Variants in KMT2C observed in about 807,000 individuals in gnomAD.
KMT2C encodes lysine methyltransferase 2C.
A neutral mutation model predicts 507.9 loss-of-function variants in KMT2C; 88 were observed. That is an observed-to-expected ratio of 0.17 (90% confidence interval 0.15 to 0.21). The LOEUF (loss-of-function observed/expected upper bound fraction) is 0.21, where lower values mean the gene tolerates loss of function less well. Among genes scored for constraint, KMT2C ranks in the 10% least tolerant of loss-of-function variants. The probability of loss-of-function intolerance (pLI) is 1.00; values close to 1 mark genes in which losing one functional copy is unlikely to be tolerated. For synonymous variants in KMT2C, 2,049 were observed against 2,080.8 expected (o/e 0.98, Z 0.42); for missense variants, 4,954 against 5,957.8 (o/e 0.83, Z 5.55).
intron 1 of KMT2C, among the ~76,000 whole-genome samples, chr7:152,363,784 AG>A (rs1202435123): frequency 1.3e-5 from 2 of 152,220 alleles, no homozygotes; most frequent in African/African-American, 4.8e-5. Flanking sequence ...AAATCTGCAG[AG>A]GGATACCCTT....
intron 1 of KMT2C, among the ~76,000 whole-genome samples, chr7:152,403,496 C>T (rs1589764229): frequency 8.0e-5 from 12 of 150,750 alleles, no homozygotes; most frequent in African/African-American, 2.7e-4. Context: ...GCAACAAGAG[C>T]GAAACTCCAT....
intron 3 of KMT2C, among the ~76,000 whole-genome samples, chr7:152,316,906 G>A (rs1255884444): frequency 1.3e-5 from 2 of 151,502 alleles, no homozygotes; most frequent in Non-Finnish European, 2.9e-5. Context: ...TGCTTTGCCA[G>A]TATCTTACTA....
chr7:152,163,051 T>C lies in KMT2C; in HGVS notation c.10526A>G (p.Gln3509Arg). 1 of 1,614,236 alleles carries C rather than the reference T, an allele frequency of 6.2e-7. No individual in the cohort carries two copies. The highest frequency in any genetic ancestry group is 8.5e-7 in the Non-Finnish European group (1 of 1,180,036). Residue 3509 changes from glutamine (Q) to arginine (R), a missense_variant, in exon 43 of 59, where the codon CAG (glutamine) becomes CGG (arginine). Around this residue, in one of 29 missense-constraint regions of KMT2C, gnomAD observed 801 missense variants for 751.2 expected, o/e 1.07. Coordinates refer to ENST00000262189, the MANE Select transcript of KMT2C (RefSeq NM_170606.3). ...AGGAACAAATGAAGGAGGGCCTACC[T>C]GCCTTCGCTCATTAGTCTGCATGAA... ...QTFMQTNERR[Q>R]VGPPSFVPDS...
In KMT2C at chr7:152,149,134, G is replaced by A. The variant is rs2091396588; in HGVS notation, c.12793C>T (p.Pro4265Ser). 2 of 1,456,820 alleles carry A rather than the reference G, an allele frequency of 1.4e-6. No individual in the cohort carries two copies. Among genetic ancestry groups the A allele is most frequent in the South Asian group, 1.7e-5 (1 of 58,234 alleles). The allele number at this position is 1,456,820 out of a possible 1,614,324, so 90.2% of individuals were successfully genotyped here. ...GGCGTTTCTCTCATAGGTGATTGTG[G>A]CAATGAAGGAATGGATTCCTGGGCA... ...SENKESIPSLPQSPMRETPSK... is the reference protein window; with the variant it reads ...SENKESIPSLSQSPMRETPSK... Residue 4265 changes from proline to serine, a missense_variant, in exon 52 of 59, where the codon CCA becomes TCA. Pro to Ser is a moderately conservative substitution (Grantham distance 74). Coordinates refer to ENST00000262189, the MANE Select transcript of KMT2C (RefSeq NM_170606.3).
At chr7:152,161,295 T>C (rs1201323779) in intron 43 of KMT2C, among the ~76,000 whole-genome samples, 1 of 152,096 alleles carries the variant, frequency 6.6e-6, no homozygotes, top group African/African-American at 2.4e-5. Context: ...AATCTTAAAA[T>C]GAAAAAACTG....
intron 1 of KMT2C, among the ~76,000 whole-genome samples, chr7:152,418,800 T>C (rs1296293364): frequency 4.6e-5 from 7 of 152,036 alleles, no homozygotes; most frequent in Non-Finnish European, 1.5e-5. Context: ...ACGGAAATTT[T>C]CTTTTACATG....
intron 18 of KMT2C, among the ~76,000 whole-genome samples, chr7:152,225,798 A>T (rs1230912080): frequency 1.3e-5 from 2 of 152,214 alleles, no homozygotes; most frequent in Admixed American, 6.5e-5. Flanking sequence ...AGAAAAAAAC[A>T]GTACTTTAAA....
In KMT2C at chr7:152,332,861, C is replaced by G. The variant is rs1353108118; in HGVS notation, c.251-2122G>C. 2.0e-5 allele frequency among the ~76,000 whole-genome samples: 3 copies of G among 147,732 alleles called. No homozygotes were observed. The South Asian group carries it at 6.4e-4, about 32-fold the overall frequency. ...GAAACTGCGTCTCAAAACACACACA[C>G]ACACACACACACACACACACACACA... On this transcript the variant is annotated intron_variant, in intron 2 of 58. Coordinates refer to ENST00000262189, the MANE Select transcript of KMT2C (RefSeq NM_170606.3).
At chr7:152,210,845 A>C (rs1341531036) in intron 23 of KMT2C, among the ~76,000 whole-genome samples, 1 of 152,240 alleles carries the variant, frequency 6.6e-6, no homozygotes, top group Non-Finnish European at 1.5e-5. Context: ...GAAATAACTG[A>C]AATAGAAATA....
intron 15 of KMT2C, 113 bp from the exon 16 acceptor site, chr7:152,236,046 G>A: frequency 1.6e-6 from 1 of 623,648 alleles, no homozygotes; most frequent in Non-Finnish European, 2.9e-6. Flanking sequence ...CACTTCCTTA[G>A]ATAAGTATTA....
At chr7:152,320,380 C>T (rs1455258308) in intron 3 of KMT2C, among the ~76,000 whole-genome samples, 9 of 152,188 alleles carry the variant, frequency 5.9e-5, no homozygotes, top group Admixed American at 5.9e-4. Flanking sequence ...TCCCGAGTAG[C>T]TGGGACTACA....
intron 1 of KMT2C, among the ~76,000 whole-genome samples, chr7:152,396,428 A>G (rs2097538627): frequency 6.6e-6 from 1 of 152,218 alleles, no homozygotes; most frequent in African/African-American, 2.4e-5. Context: ...GTACGTGTAA[A>G]GCACTTAGGA....
At position 152,183,052 on chromosome 7, in the gene KMT2C, A is replaced by T. The variant is rs367790848; in HGVS notation, c.5187T>A (p.Ser1729=). 1 of 1,612,624 alleles carries T rather than the reference A, an allele frequency of 6.2e-7. No individual in the cohort carries two copies. The highest frequency in any genetic ancestry group is 8.5e-7 in the Non-Finnish European group (1 of 1,179,386). The part of the protein sequence containing the change: ...QQQQDSIDPS[S]RIDSELFKDP... ...CTTTAAAAAGCTCCGAATCAATACG[A>T]GAGCTGGGATCAATGCTATCTTGCT... Residue 1729 remains serine (S), a synonymous_variant, in exon 35 of 59, where the codon TCT becomes TCA. Coordinates refer to ENST00000262189, the MANE Select transcript of KMT2C (RefSeq NM_170606.3).
rs549573386 is a variant in KMT2C, at chr7:152,266,396, C to T, written c.1013-1187G>A. Among the ~76,000 whole-genome samples the T allele has an allele frequency of 2.6e-5, 4 of 152,224 alleles. No homozygotes were observed. In the East Asian group the frequency reaches 5.8e-4, roughly 22 times the overall value. ...AGTAGCTGGGCTTACAGGCGTGTGC[C>T]ACCATGCCCATCTAATTTTTATATT... On this transcript the variant is annotated intron_variant, in intron 7 of 58. Coordinates refer to ENST00000262189, the MANE Select transcript of KMT2C (RefSeq NM_170606.3).
In KMT2C at chr7:152,368,649, G is replaced by A. The variant is rs957233170; in HGVS notation, c.162-9974C>T. 254 of 1,459,548 alleles carry A rather than the reference G, an allele frequency of 1.7e-4. 2 individuals carry two copies. The highest frequency in any genetic ancestry group is 2.2e-4 in the Non-Finnish European group (232 of 1,055,684). The allele number at this position is 1,459,548 out of a possible 1,614,324, so 90.4% of individuals were successfully genotyped here. On this transcript the variant is annotated intron_variant, in intron 1 of 58. Coordinates refer to ENST00000262189, the MANE Select transcript of KMT2C (RefSeq NM_170606.3). ...CCTTGGAAAAGAACAAGAAGAAAGG[G>A]AAGATCTTTTAAACTCTCTATTGAC... is the stretch of plus-strand genomic sequence containing the variant.
chr7:152,358,459 G>A, intron 2 of KMT2C, 128 bp downstream of exon 2: 1 of 552,330 alleles, frequency 1.8e-6, no homozygotes, highest in Non-Finnish European at 3.1e-6. Flanking sequence ...CAAGGCAGAT[G>A]GGAAACTTAG....
intron 1 of KMT2C, among the ~76,000 whole-genome samples, chr7:152,419,312 C>G (rs1021585218): frequency 3.3e-5 from 5 of 151,998 alleles, no homozygotes; most frequent in African/African-American, 1.2e-4. Context: ...GATCATGCCA[C>G]TGGGCTCCAG....
intron 1 of KMT2C, among the ~76,000 whole-genome samples, chr7:152,381,066 G>C (rs2097369636): frequency 6.6e-6 from 1 of 152,258 alleles, no homozygotes; most frequent in Non-Finnish European, 1.5e-5. Flanking sequence ...ATCTAAAACA[G>C]ATGTTCAATG....
rs755419790 is a variant in KMT2C, at chr7:152,203,013, G to A, written c.4013C>T (p.Thr1338Ile). ...DTLVDESVSV[T>I]ESTEKIKKRY... is the part of the protein sequence containing the mutation. The stretch of plus-strand genomic sequence containing the variant: ...CTTCTTTATTTTTTCAGTGCTTTCA[G>A]TAACAGAAACAGATTCATCAACTAA... Residue 1338 changes from threonine to isoleucine, a missense_variant, in exon 26 of 59, where the codon ACT (threonine) becomes ATT (isoleucine). Transcript: ENST00000262189. 7 of 1,609,794 alleles carry A rather than the reference G, an allele frequency of 4.3e-6. No homozygotes were observed. In the East Asian group the frequency reaches 1.6e-4, roughly 36 times the overall value.
Sources: allele counts gnomAD v4.1 joint callset (sites outside exome capture counted in the v4.1 genomes callset), GRCh38; gene constraint gnomAD v4.1.1; regional missense constraint gnomAD v4.1.1; transcripts MANE v1.5; gene names NCBI Gene and HGNC (gene_info 2026-07-23, HGNC 2026-07-21).